RNF216: variants seen among roughly 807,000 people sequenced by gnomAD.
RNF216 encodes the protein E3 ubiquitin-protein ligase RNF216.
Under a neutral mutation model 110.8 loss-of-function variants are expected in RNF216, and 72 were observed. That is an observed-to-expected ratio of 0.65 (90% CI 0.54 to 0.79). The LOEUF is 0.79. Ranked by LOEUF, RNF216 falls within the 30% of genes least tolerant of loss-of-function variation. The probability of loss-of-function intolerance (pLI) is 0.00; values close to 1 mark genes in which losing one functional copy is unlikely to be tolerated. For synonymous variants in RNF216, 495 were observed against 407.5 expected (o/e 1.21, Z -2.59); for missense variants, 1,342 against 1,141.2 (o/e 1.18, Z -2.54).
rs544403116 is a variant in RNF216, at chr7:5,660,441, G to A, written c.2062-7931C>T. On this transcript the variant is annotated intron_variant, in intron 13 of 16. Transcript: ENST00000389902. Reference sequence around the variant, plus strand: ...CGAGTAGATGGGAATACAGGCGCCCGCGACCACACCTGGCTAATTTTTCTA... The same window carrying A: ...CGAGTAGATGGGAATACAGGCGCCCACGACCACACCTGGCTAATTTTTCTA... Among the ~76,000 whole-genome samples, 3 of 150,070 alleles carry A rather than the reference G, an allele frequency of 2.0e-5. No homozygotes were observed. In the East Asian group the frequency reaches 5.9e-4, roughly 29 times the overall value.
chr7:5,777,493 G>A (rs1180113640), intron 1 of RNF216: 4 of 152,296 alleles, frequency 2.6e-5, no homozygotes, highest in African/African-American at 9.6e-5. Context: ...GTACCTAGGG[G>A]GAGGAGAAGA....
In RNF216 at chr7:5,621,171, G is replaced by GACCTTTTT. The variant is rs201794175; in HGVS notation, c.*1688_*1689insAAAAAGGT. The GACCTTTTT allele has an allele frequency of 7.2e-6, 1 of 138,438 alleles. No homozygotes were observed. The highest frequency in any genetic ancestry group is 7.2e-5 in the Admixed American group (1 of 13,824). The allele number at this position is 138,438 out of a possible 1,614,324, so 8.6% of individuals were successfully genotyped here. A position where few individuals can be genotyped will look rare whatever the true frequency, so the allele number is the denominator to read the frequency against. On this transcript the variant is annotated 3_prime_UTR_variant, in exon 17 of 17. Transcript: ENST00000389902. ...AAAGGCAGAAAGAATGGGTATCTTAGTTTTTTTTTTTTTTTTTTTAAAGAT... is the reference window on the plus strand; with the variant it reads ...AAAGGCAGAAAGAATGGGTATCTTAGACCTTTTTTTTTTTTTTTTTTTTTTTTAAAGAT...
chr7:5,720,100 T>TG (rs1158207598), intron 9 of RNF216, among the ~76,000 whole-genome samples: 2 of 152,254 alleles, frequency 1.3e-5, no homozygotes, highest in African/African-American at 4.8e-5. Context: ...GACACTGGCC[T>TG]GATTCATGCC....
intron 5 of RNF216, among the ~76,000 whole-genome samples, chr7:5,736,290 G>C (rs1422469541): frequency 6.6e-6 from 1 of 152,130 alleles, no homozygotes; most frequent in Non-Finnish European, 1.5e-5. Flanking sequence ...ACTGGTTTTC[G>C]TATTTTTTTT....
chr7:5,651,146 G>A (rs1788360435), intron 14 of RNF216, among the ~76,000 whole-genome samples: 1 of 152,136 alleles, frequency 6.6e-6, no homozygotes, highest in South Asian at 2.1e-4. Context: ...GGGTTTGAGT[G>A]TAAATGTGGC....
At chr7:5,746,638 C>A (rs1017881411) in intron 3 of RNF216, among the ~76,000 whole-genome samples, 1 of 152,070 alleles carries the variant, frequency 6.6e-6, no homozygotes, top group Non-Finnish European at 1.5e-5. Context: ...AACGTCATCC[C>A]GGTCCTGAGA....
intron 1 of RNF216, among the ~76,000 whole-genome samples, chr7:5,777,319 G>A (rs1420567961): frequency 6.6e-6 from 1 of 152,202 alleles, no homozygotes; most frequent in Non-Finnish European, 1.5e-5. Flanking sequence ...AAGTATTAGG[G>A]TGGTTTGTTA....
At chr7:5,691,268 G>C (rs1204407385) in intron 13 of RNF216, among the ~76,000 whole-genome samples, 1 of 152,218 alleles carries the variant, frequency 6.6e-6, no homozygotes, top group East Asian at 1.9e-4. Context: ...GCCGACGGCA[G>C]CATTTGACTG....
chr7:5,628,353 G>A (rs73676616), intron 15 of RNF216, among the ~76,000 whole-genome samples: 1,564 of 152,270 alleles, frequency 0.01, 29 homozygotes, highest in African/African-American at 0.036. Flanking sequence ...TGAGCCAACT[G>A]TCAGTTATAC....
At chr7:5,628,108 C>A (rs958704481) in intron 15 of RNF216, among the ~76,000 whole-genome samples, 5 of 152,128 alleles carry the variant, frequency 3.3e-5, no homozygotes, top group Non-Finnish European at 7.4e-5. Flanking sequence ...CTCAGAGTCC[C>A]AAGGGAATAA....
intron 15 of RNF216, among the ~76,000 whole-genome samples, chr7:5,633,004 G>T (rs1787169804): frequency 6.6e-6 from 1 of 151,932 alleles, no homozygotes. Flanking sequence ...TTTTGAGACA[G>T]AGTCGTGCTC....
intron 13 of RNF216, among the ~76,000 whole-genome samples, chr7:5,667,515 C>G (rs966050415): frequency 6.6e-6 from 1 of 152,230 alleles, no homozygotes; most frequent in Non-Finnish European, 1.5e-5. Flanking sequence ...GGGAACCCCC[C>G]AGCCTTCTCC....
chr7:5,713,331 T>G, intron 11 of RNF216: 1 of 154,878 alleles, frequency 6.5e-6, no homozygotes, highest in Non-Finnish European at 1.4e-5. Flanking sequence ...TGGCTGACTC[T>G]GAGAGAAATG....
chr7:5,715,314 G>A (rs1265362250), intron 10 of RNF216, 124 bp from the exon 11 acceptor site: 3 of 853,258 alleles, frequency 3.5e-6, no homozygotes, highest in Admixed American at 2.1e-5. Context: ...CCCATTTTAG[G>A]GGCCATAAAA....
At chr7:5,746,062 A>T (rs1375547372) in intron 3 of RNF216, among the ~76,000 whole-genome samples, 3 of 152,214 alleles carry the variant, frequency 2.0e-5, no homozygotes, top group Non-Finnish European at 4.4e-5. Context: ...GACTGTTGAT[A>T]TCTTGAGGTA....
At chr7:5,681,798 C>T (rs933637888) in intron 13 of RNF216, among the ~76,000 whole-genome samples, 5 of 152,196 alleles carry the variant, frequency 3.3e-5, no homozygotes, top group African/African-American at 1.2e-4. Context: ...AGCCATCCCT[C>T]AATCCTGACT....
intron 5 of RNF216, among the ~76,000 whole-genome samples, chr7:5,735,623 G>A (rs1048669500): frequency 3.3e-5 from 5 of 152,160 alleles, no homozygotes; most frequent in East Asian, 1.9e-4. Context: ...CATCCAGAAC[G>A]CATCTCAGAG....
chr7:5,713,610 C>T (rs975118243), intron 11 of RNF216, among the ~76,000 whole-genome samples: 1 of 152,186 alleles, frequency 6.6e-6, no homozygotes, highest in Non-Finnish European at 1.5e-5. Context: ...GGCTCCTATG[C>T]ACCTAGAGTC....
intron 7 of RNF216, among the ~76,000 whole-genome samples, chr7:5,727,537 C>T (rs1418930729): frequency 6.6e-6 from 1 of 152,092 alleles, no homozygotes; most frequent in African/African-American, 2.4e-5. Flanking sequence ...GACCAGCCTG[C>T]ACAATCTAGC....
Sources: allele counts gnomAD v4.1 joint callset (sites outside exome capture counted in the v4.1 genomes callset), GRCh38; gene constraint gnomAD v4.1.1; transcripts MANE v1.5; gene names NCBI Gene and HGNC (gene_info 2026-07-23, HGNC 2026-07-21).